Variants in TTLL11 observed in about 807,000 individuals in gnomAD.
TTLL11 encodes tubulin polyglutamylase TTLL11.
In TTLL11, 42 loss-of-function variants were observed where a neutral mutation model predicts 51.7. The observed-to-expected ratio is 0.81, with a 90% CI of 0.64 to 1.05. TTLL11 has a LOEUF of 1.05. TTLL11 is among the 50% of genes least tolerant of loss of function. The pLI is 0.00. For missense variants in TTLL11, 799 were observed against 940.4 expected, an observed-to-expected ratio of 0.85 and a Z score of 1.97; for synonymous variants, 381 against 383.5, an observed-to-expected ratio of 0.99 and a Z score of 0.08.
In TTLL11 at chr9:121,822,990, C is replaced by G; in HGVS notation, c.1841-111G>C. ...AGCAAGAGCTAGCCCCGCTCCCCAC[C>G]ACCGTCTCCATTCCAGAAACTCCTA... On this transcript the variant is annotated intron_variant, in intron 8 of 8. Transcript: ENST00000321582. The surrounding 1 kb of genome is among the most constrained non-coding windows in gnomAD (Gnocchi z 5.8). 2 of 1,239,786 alleles carry G rather than the reference C, an allele frequency of 1.6e-6. No individual in the cohort carries two copies. Among genetic ancestry groups the G allele is most frequent in the Admixed American group, 5.8e-5 (2 of 34,436 alleles). The allele number at this position is 1,239,786 out of a possible 1,614,324, so 76.8% of individuals were successfully genotyped here. A position where few individuals can be genotyped will look rare whatever the true frequency, so the allele number is the denominator to read the frequency against.
At chr9:121,835,901 T>G (rs1837167396) in intron 8 of TTLL11, among the ~76,000 whole-genome samples, 1 of 152,212 alleles carries the variant, frequency 6.6e-6, no homozygotes, top group African/African-American at 2.4e-5. Context: ...ATAGAACCTT[T>G]GGAGGCTCAG....
intron 2 of TTLL11, among the ~76,000 whole-genome samples, chr9:122,034,378 T>C (rs1844642730): frequency 6.6e-6 from 1 of 152,208 alleles, no homozygotes; most frequent in Non-Finnish European, 1.5e-5. Context: ...AATAGGTGTT[T>C]CCAAGTTTAC....
intron 6 of TTLL11, among the ~76,000 whole-genome samples, chr9:121,888,858 TG>T (rs1839115333): frequency 6.6e-6 from 1 of 152,246 alleles, no homozygotes. Flanking sequence ...CTGGGGGCCT[TG>T]GACACAGGTC....
At chr9:121,998,619 T>C (rs1843362693) in intron 3 of TTLL11, among the ~76,000 whole-genome samples, 2 of 151,426 alleles carry the variant, frequency 1.3e-5, no homozygotes, top group East Asian at 1.9e-4. Flanking sequence ...AGAATATCAA[T>C]GTCTTATTTT....
At position 121,890,327 on chromosome 9, in the gene TTLL11, A is replaced by T. The variant is rs1839178343; in HGVS notation, c.1482-19579T>A. Among the ~76,000 whole-genome samples, 1 of 152,094 alleles carries T rather than the reference A, an allele frequency of 6.6e-6. No individual in the cohort carries two copies. Among genetic ancestry groups the T allele is most frequent in the Non-Finnish European group, 1.5e-5 (1 of 68,010 alleles). On this transcript the variant is annotated intron_variant, in intron 6 of 8. Transcript: ENST00000321582. The surrounding 1 kb of genome is among the most constrained non-coding windows in gnomAD (Gnocchi z 4.3). ...GCAGTTCACACACATCTCTGCCATC[A>T]CTTGTCAGCTCATCATGGGTCACCT...
chr9:121,826,702 C>T (rs1191422193), intron 8 of TTLL11, among the ~76,000 whole-genome samples: 1 of 151,404 alleles, frequency 6.6e-6, no homozygotes, highest in Admixed American at 6.6e-5. Context: ...GCCAAGGGTG[C>T]CTGAGGATGG....
chr9:121,834,134 T>C (rs1296778788), intron 8 of TTLL11, among the ~76,000 whole-genome samples: 1 of 152,246 alleles, frequency 6.6e-6, no homozygotes, highest in Non-Finnish European at 1.5e-5. Context: ...GAGCTATCTG[T>C]GAAGGCTGCA....
intron 6 of TTLL11, among the ~76,000 whole-genome samples, chr9:121,871,659 A>G (rs1838361951): frequency 6.6e-6 from 1 of 152,168 alleles, no homozygotes; most frequent in African/African-American, 2.4e-5. Flanking sequence ...CTTACTTGCT[A>G]AAACCACTGA....
At chr9:122,011,295 C>A (rs1843784080) in intron 3 of TTLL11, among the ~76,000 whole-genome samples, 2 of 152,100 alleles carry the variant, frequency 1.3e-5, no homozygotes, top group South Asian at 4.1e-4. Flanking sequence ...ATGTCTTTAT[C>A]AGTAGCATGA....
intron 1 of TTLL11, among the ~76,000 whole-genome samples, chr9:122,082,903 G>A (rs984938980): frequency 1.3e-5 from 2 of 152,054 alleles, no homozygotes. Context: ...GTGTGCACCT[G>A]TAGTCCCAGC....
intron 6 of TTLL11, among the ~76,000 whole-genome samples, chr9:121,897,650 G>GCA (rs1554766735): frequency 7.0e-4 from 47 of 66,914 alleles, no homozygotes; most frequent in African/African-American, 2.4e-3. Flanking sequence ...ACGCGCGCGC[G>GCA]AAGTCTCCAA....
At chr9:122,073,811 C>G (rs974073922) in intron 1 of TTLL11, among the ~76,000 whole-genome samples, 1 of 152,224 alleles carries the variant, frequency 6.6e-6, no homozygotes, top group African/African-American at 2.4e-5. Context: ...AAGCCTTTCT[C>G]TACCTCCAGG....
intron 6 of TTLL11, among the ~76,000 whole-genome samples, chr9:121,969,722 A>G (rs750284643): frequency 1.2e-4 from 18 of 152,230 alleles, no homozygotes; most frequent in Non-Finnish European, 1.3e-4. Flanking sequence ...TGCAAACGCT[A>G]GAAACCCTGG....
At chr9:121,850,522 G>A (rs1837636384) in intron 8 of TTLL11, among the ~76,000 whole-genome samples, 1 of 152,118 alleles carries the variant, frequency 6.6e-6, no homozygotes, top group Non-Finnish European at 1.5e-5. Flanking sequence ...GAGTGTCCCA[G>A]CTCCATGAGG....
At chr9:121,951,188 T>C (rs965259966) in intron 6 of TTLL11, among the ~76,000 whole-genome samples, 8 of 152,238 alleles carry the variant, frequency 5.3e-5, no homozygotes, top group Non-Finnish European at 8.8e-5. Context: ...CAGAATTACA[T>C]GACAGCTTCC....
intron 8 of TTLL11, among the ~76,000 whole-genome samples, chr9:121,826,385 G>T (rs1479702868): frequency 8.0e-6 from 1 of 125,076 alleles, no homozygotes; most frequent in East Asian, 2.2e-4. Flanking sequence ...GAGTGTGTGG[G>T]TGTATATATA....
intron 2 of TTLL11, among the ~76,000 whole-genome samples, chr9:122,032,954 C>T (rs1844596504): frequency 6.6e-6 from 1 of 151,720 alleles, no homozygotes; most frequent in African/African-American, 2.4e-5. Flanking sequence ...GCCACCATGC[C>T]CGGCTAATTT....
chr9:121,827,604 G>T (rs1301992767), intron 8 of TTLL11, among the ~76,000 whole-genome samples: 1 of 152,186 alleles, frequency 6.6e-6, no homozygotes, highest in Non-Finnish European at 1.5e-5. Context: ...GTGAGTGTGG[G>T]GGGACGCGGG....
chr9:122,003,927 A>C (rs916791124), intron 3 of TTLL11, among the ~76,000 whole-genome samples: 2 of 150,942 alleles, frequency 1.3e-5, no homozygotes, highest in Non-Finnish European at 3.0e-5. Context: ...ACTCCTGACC[A>C]ACATAGTGAA....
Sources: gnomAD v4.1 joint callset for allele counts (sites outside exome capture counted in the v4.1 genomes callset) on GRCh38, gnomAD v4.1.1 for gene constraint, Gnocchi (gnomAD v3.1) non-coding constraint, MANE v1.5 for transcripts, NCBI Gene and HGNC (gene_info 2026-07-23, HGNC 2026-07-21) for gene names.